The following C2orf15 variants were observed in gnomAD, a reference collection of about 807,000 sequenced individuals.
C2orf15 encodes the protein chromosome 2 open reading frame 15.
In C2orf15, 3 loss-of-function variants were observed where a neutral mutation model predicts 4.4. The ratio of observed to expected loss-of-function variants is 0.67; its 90% CI spans 0.31 to 1.74. The LOEUF (loss-of-function observed/expected upper bound fraction) is 1.74, where lower values mean the gene tolerates loss of function less well. C2orf15 is among the 40% of genes most tolerant of loss of function. C2orf15 has a pLI of 0.09. For missense variants in C2orf15, 90 were observed against 103.3 expected, an observed-to-expected ratio of 0.87 and a Z score of 0.56; for synonymous variants, 37 against 36.8, an observed-to-expected ratio of 1.00 and a Z score of -0.02.
intron 3 of C2orf15, among the ~76,000 whole-genome samples, chr2:99,148,820 C>T (rs564183842): frequency 3.9e-5 from 6 of 151,914 alleles, no homozygotes; most frequent in Admixed American, 3.3e-4. Context: ...AAAATACAAA[C>T]GTTAGAGTTT....
At chr2:99,149,211 G>A (rs2093663517) in intron 3 of C2orf15, among the ~76,000 whole-genome samples, 2 of 150,738 alleles carry the variant, frequency 1.3e-5, no homozygotes, top group African/African-American at 4.9e-5. Flanking sequence ...GATCGAAGCT[G>A]TGGAATCTGC....
Position 99,150,885 on chromosome 2 carries a change from G to A in C2orf15, c.*51G>A. 1 of 1,243,522 alleles carries A rather than the reference G, an allele frequency of 8.0e-7. No homozygotes were observed. The highest frequency in any genetic ancestry group is 1.1e-6 in the Non-Finnish European group (1 of 884,114). The allele number at this position is 1,243,522 out of a possible 1,614,324, so 77.0% of individuals were successfully genotyped here. Reference sequence around the variant, plus strand: ...AACCAAAAACTGCCTTTGACTAAGGGGGGTGTTGAAAGAGAACTTAACCTT... The same window carrying A: ...AACCAAAAACTGCCTTTGACTAAGGAGGGTGTTGAAAGAGAACTTAACCTT... On this transcript the variant is annotated 3_prime_UTR_variant, in exon 4 of 4. Coordinates refer to ENST00000650052, the MANE Select transcript of C2orf15 (RefSeq NM_144706.4).
At chr2:99,143,131 A>G (rs1185128075) in intron 2 of C2orf15, among the ~76,000 whole-genome samples, 3 of 126,976 alleles carry the variant, frequency 2.4e-5, no homozygotes, top group Non-Finnish European at 3.3e-5. Flanking sequence ...CCCCAACTAA[A>G]CCTTTTTTTT....
rs2093563617 is a variant in C2orf15, at chr2:99,141,728, T to G, written c.-495T>G. 6.5e-6 allele frequency: 1 copy of G among 152,918 alleles called. No individual in the cohort carries two copies. The highest frequency in any genetic ancestry group is 1.5e-5 in the Non-Finnish European group (1 of 68,200). 9.5% of individuals were successfully genotyped at this position (152,918 alleles called of 1,614,324 possible). ...CTGTCTCTCGCAGCCCCGCCTTCCC[T>G]CAGCTTGAAACACCTGCTGCTTCGC... On this transcript the variant is annotated 5_prime_UTR_variant, in exon 1 of 4. Coordinates refer to ENST00000650052, the MANE Select transcript of C2orf15 (RefSeq NM_144706.4).
intron 2 of C2orf15, 58 bp from the exon 3 acceptor site, chr2:99,147,340 GTTCT>G (rs2093642727): frequency 7.5e-6 from 7 of 930,496 alleles, no homozygotes; most frequent in Non-Finnish European, 1.2e-5. Context: ...AAGCCACTTT[GTTCT>G]TTTTCTCCAG....
rs575460388 is a variant in C2orf15, at chr2:99,144,984, A to G, written c.-168-2418A>G. Among the ~76,000 whole-genome samples the G allele has an allele frequency of 2.0e-5, 3 of 152,304 alleles. No homozygotes were observed. In the South Asian group the frequency reaches 6.2e-4, roughly 32 times the overall value. ...ACGGCTGTGCAACAATTTACCACAC[A>G]CTTGGTGTCTTTAAGCAACACAAAT... On this transcript the variant is annotated intron_variant, in intron 2 of 3. Coordinates refer to ENST00000650052, the MANE Select transcript of C2orf15 (RefSeq NM_144706.4).
chr2:99,145,849 C>T (rs2093626599), intron 2 of C2orf15, among the ~76,000 whole-genome samples: 1 of 152,184 alleles, frequency 6.6e-6, no homozygotes, highest in East Asian at 1.9e-4. Context: ...ATAAAAGGTT[C>T]AAACCAGTCC....
chr2:99,149,644 A>G (rs1354846364), intron 3 of C2orf15, among the ~76,000 whole-genome samples: 1 of 151,326 alleles, frequency 6.6e-6, no homozygotes, highest in Non-Finnish European at 1.5e-5. Context: ...GGGTTTCACC[A>G]TATTAGCCAG....
intron 2 of C2orf15, among the ~76,000 whole-genome samples, chr2:99,144,603 C>T (rs2931543): frequency 2.8e-5 from 4 of 142,828 alleles, no homozygotes; most frequent in Non-Finnish European, 4.5e-5. Flanking sequence ...AAGCCGAGAT[C>T]GTGCCATCGC....
At chr2:99,144,402 A>C (rs376158290) in intron 2 of C2orf15, among the ~76,000 whole-genome samples, 1 of 150,788 alleles carries the variant, frequency 6.6e-6, no homozygotes, top group East Asian at 1.9e-4. Context: ...CATAGGGCTC[A>C]CTTTATTTCC....
chr2:99,143,566 G>T (rs2093600737), intron 2 of C2orf15, among the ~76,000 whole-genome samples: 1 of 151,626 alleles, frequency 6.6e-6, no homozygotes, highest in East Asian at 2.0e-4. Flanking sequence ...CACCTTTCAG[G>T]TTGAAGCAGT....
chr2:99,142,678 T>C (rs1485161984), intron 2 of C2orf15, among the ~76,000 whole-genome samples: 2 of 152,212 alleles, frequency 1.3e-5, no homozygotes, highest in Non-Finnish European at 2.9e-5. Flanking sequence ...GGAAATGTAA[T>C]TTTTTAAATG....
In C2orf15 at chr2:99,150,947, C is replaced by A; in HGVS notation, c.*113C>A. On this transcript the variant is annotated 3_prime_UTR_variant, in exon 4 of 4. Coordinates refer to ENST00000650052, the MANE Select transcript of C2orf15 (RefSeq NM_144706.4). ...CTGACAAAATGATGGAAGACTATTG[C>A]CTTATTTTGCACTATTTGTGAATCA... 1.5e-6 allele frequency: 1 copy of A among 662,754 alleles called. No homozygotes were observed. Among genetic ancestry groups the A allele is most frequent in the East Asian group, 2.7e-5 (1 of 36,766 alleles). 41.1% of individuals were successfully genotyped at this position (662,754 alleles called of 1,614,324 possible).
chr2:99,149,685 A>G (rs11684507), intron 3 of C2orf15, among the ~76,000 whole-genome samples: 88,977 of 149,384 alleles, frequency 0.6, 27,236 homozygotes, highest in East Asian at 0.88. Context: ...CTCGTGATCC[A>G]CCCACCTCAG....
chr2:99,146,448 T>C (rs2093632963), intron 2 of C2orf15, among the ~76,000 whole-genome samples: 3 of 151,772 alleles, frequency 2.0e-5, no homozygotes, highest in Admixed American at 2.0e-4. Context: ...TTTGTTTATA[T>C]TTTTTTCATT....
At chr2:99,144,018 C>CT (rs36036293) in intron 2 of C2orf15, among the ~76,000 whole-genome samples, 76,497 of 151,360 alleles carry the variant, frequency 0.51, 21,204 homozygotes, top group Middle Eastern at 0.7. Flanking sequence ...TGCTGTGTTC[C>CT]TTTTTTTTGT....
At chr2:99,149,751 T>C (rs1300589574) in intron 3 of C2orf15, among the ~76,000 whole-genome samples, 1 of 148,270 alleles carries the variant, frequency 6.7e-6, no homozygotes, top group African/African-American at 2.5e-5. Flanking sequence ...CGATCATCTC[T>C]TTTTACAGAC....
chr2:99,148,506 C>A (rs2093655000), intron 3 of C2orf15, among the ~76,000 whole-genome samples: 1 of 151,922 alleles, frequency 6.6e-6, no homozygotes, highest in Admixed American at 6.6e-5. Context: ...TACAGTAGAC[C>A]CAGGACTCTG....
intron 3 of C2orf15, among the ~76,000 whole-genome samples, chr2:99,148,642 C>T (rs1574770426): frequency 6.6e-6 from 1 of 152,124 alleles, no homozygotes; most frequent in Admixed American, 6.5e-5. Context: ...TCAAAGATAC[C>T]ACAGTAGGTA....
Sources: gnomAD v4.1 joint callset for allele counts (sites outside exome capture counted in the v4.1 genomes callset) on GRCh38, gnomAD v4.1.1 for gene constraint, MANE v1.5 for transcripts, NCBI Gene and HGNC (gene_info 2026-07-23, HGNC 2026-07-21) for gene names.